The following MAPK10 variants were observed in gnomAD, a reference collection of about 807,000 sequenced individuals.
MAPK10 encodes the protein JNK3 alpha protein kinase.
Under a neutral mutation model 59.3 loss-of-function variants are expected in MAPK10, and 25 were observed. The ratio of observed to expected loss-of-function variants is 0.42; its 90% CI spans 0.31 to 0.59. The LOEUF is 0.59. Ranked by LOEUF, MAPK10 falls within the 20% of genes least tolerant of loss-of-function variation. The pLI is 0.15. For synonymous variants in MAPK10, 190 were observed against 200.5 expected (o/e 0.95, Z 0.44); for missense variants, 351 against 568.9 (o/e 0.62, Z 3.90).
intron 1 of MAPK10, among the ~76,000 whole-genome samples, chr4:86,547,189 C>T (rs928145523): frequency 1.4e-4 from 21 of 152,248 alleles, no homozygotes; most frequent in African/African-American, 4.8e-4. Context: ...TTCCTCTCGG[C>T]GCCTCCCCTG....
intron 1 of MAPK10, among the ~76,000 whole-genome samples, chr4:86,418,177 A>C (rs971730772): frequency 4.6e-5 from 7 of 152,242 alleles, no homozygotes; most frequent in Non-Finnish European, 7.3e-5. Flanking sequence ...ACAGTAGTCA[A>C]TAAACACTTG....
chr4:86,134,860 T>C (rs545438349), intron 4 of MAPK10, among the ~76,000 whole-genome samples: 3 of 152,286 alleles, frequency 2.0e-5, no homozygotes, highest in Non-Finnish European at 2.9e-5. Context: ...GGGCGAGGCA[T>C]TGCCTCACTC....
intron 3 of MAPK10, among the ~76,000 whole-genome samples, chr4:86,168,782 A>G (rs2072914403): frequency 6.6e-6 from 1 of 151,948 alleles, no homozygotes; most frequent in Non-Finnish European, 1.5e-5. Context: ...CTGACCCCTG[A>G]CCCCCGAGCA....
At chr4:86,449,660 T>G (rs553485181) in intron 1 of MAPK10, among the ~76,000 whole-genome samples, 1 of 152,244 alleles carries the variant, frequency 6.6e-6, no homozygotes, top group Non-Finnish European at 1.5e-5. Context: ...ACTAGGAAAC[T>G]GTGACTTGCT....
At chr4:86,272,434 T>C (rs1388619289) in intron 2 of MAPK10, among the ~76,000 whole-genome samples, 3 of 152,054 alleles carry the variant, frequency 2.0e-5, no homozygotes, top group African/African-American at 7.2e-5. Flanking sequence ...TTTCTAAATG[T>C]TTTATGATTT....
At chr4:86,379,063 G>A (rs1740269799) in intron 1 of MAPK10, among the ~76,000 whole-genome samples, 1 of 152,146 alleles carries the variant, frequency 6.6e-6, no homozygotes, top group South Asian at 2.1e-4. Flanking sequence ...AAAAGCACAG[G>A]GCTCCAAGAG....
At chr4:86,070,519 C>G (rs1190840939) in intron 9 of MAPK10, among the ~76,000 whole-genome samples, 2 of 150,688 alleles carry the variant, frequency 1.3e-5, no homozygotes, top group Non-Finnish European at 1.5e-5. Flanking sequence ...TTAGGTATAT[C>G]TCCCAATGCT....
intron 2 of MAPK10, among the ~76,000 whole-genome samples, chr4:86,213,384 A>G (rs2086422174): frequency 6.6e-6 from 1 of 152,072 alleles, no homozygotes; most frequent in Non-Finnish European, 1.5e-5. Context: ...GAGAATAGAA[A>G]AGCAAAAAAG....
At chr4:86,114,001 A>G (rs185187601) in intron 4 of MAPK10, among the ~76,000 whole-genome samples, 8 of 152,166 alleles carry the variant, frequency 5.3e-5, no homozygotes, top group Admixed American at 3.9e-4. Flanking sequence ...TACTTGGTCT[A>G]TTTGGCTATT....
intron 1 of MAPK10, among the ~76,000 whole-genome samples, chr4:86,422,334 G>C (rs148716313): frequency 8.5e-5 from 13 of 152,298 alleles, no homozygotes; most frequent in African/African-American, 3.1e-4. Context: ...TACCTTAAGA[G>C]TACTTGCATT....
At chr4:86,459,928 A>G (rs1234252580) in intron 1 of MAPK10, among the ~76,000 whole-genome samples, 1 of 152,156 alleles carries the variant, frequency 6.6e-6, no homozygotes, top group Non-Finnish European at 1.5e-5. Context: ...AAAAAATTTA[A>G]TTAAAAAATA....
Position 86,215,260 on chromosome 4 carries a change from C to G in MAPK10, c.-6-20853G>C, listed in dbSNP as rs79326568. ...CCTAACAACAAATGCAAAAGTTAAC[C>G]AATAATGGATCAAAGATCTAAATGT... On this transcript the variant is annotated intron_variant, in intron 2 of 13. Transcript: ENST00000641462. Among the ~76,000 whole-genome samples, 10 of 152,112 alleles carry G rather than the reference C, an allele frequency of 6.6e-5. No individual in the cohort carries two copies. In the East Asian group the frequency reaches 1.2e-3, roughly 18 times the overall value.
chr4:86,548,026 G>A (rs111422174), intron 1 of MAPK10, among the ~76,000 whole-genome samples: 2,893 of 152,238 alleles, frequency 0.019, 53 homozygotes, highest in Non-Finnish European at 0.03. Flanking sequence ...ATCCAGCAGT[G>A]GCAACCCGCT....
chr4:86,162,065 A>T (rs1469058935), intron 3 of MAPK10, among the ~76,000 whole-genome samples: 2 of 151,998 alleles, frequency 1.3e-5, no homozygotes, highest in East Asian at 3.9e-4. Flanking sequence ...TGCTGATGAT[A>T]TACATATTAT....
At chr4:86,498,265 A>T (rs1755038956) in intron 1 of MAPK10, among the ~76,000 whole-genome samples, 1 of 152,252 alleles carries the variant, frequency 6.6e-6, no homozygotes, top group Non-Finnish European at 1.5e-5. Context: ...GGCAACCAGA[A>T]AAATGGCTAT....
At position 86,101,072 on chromosome 4, in the gene MAPK10, C is replaced by T. The variant is rs1219541757; in HGVS notation, c.710G>A (p.Gly237Glu). ...RYYRAPEVILGMGYKENVDIW... is the reference protein window; with the variant it reads ...RYYRAPEVILEMGYKENVDIW... ...CCTACCGTTCTCCTTGTAGCCCATCCCCAGGATGACCTCAGGGGCTCTGTA... is the reference window on the plus strand; with the variant it reads ...CCTACCGTTCTCCTTGTAGCCCATCTCCAGGATGACCTCAGGGGCTCTGTA... Residue 237 changes from glycine (G) to glutamate (E), a missense_variant, in exon 8 of 14, where the codon GGG (glycine) becomes GAG (glutamate). Transcript: ENST00000641462. 1 of 1,613,740 alleles carries T rather than the reference C, an allele frequency of 6.2e-7. No individual in the cohort carries two copies.
Position 86,012,422 on chromosome 4 carries a change from G to C in MAPK10, c.*4806C>G, listed in dbSNP as rs920466755. 1.3e-5 allele frequency: 2 copies of C among 152,118 alleles called. No homozygotes were observed. Among genetic ancestry groups the C allele is most frequent in the Non-Finnish European group, 2.9e-5 (2 of 68,014 alleles). The allele number at this position is 152,118 out of a possible 1,614,324, so 9.4% of individuals were successfully genotyped here. A position where few individuals can be genotyped will look rare whatever the true frequency, so the allele number is the denominator to read the frequency against. The stretch of plus-strand genomic sequence containing the variant: ...GTCGTTACATGCAACTCAAGACAAC[G>C]AGCAGCATCATAACCATTGTCAACA... On this transcript the variant is annotated 3_prime_UTR_variant, in exon 14 of 14. Coordinates refer to ENST00000641462, the MANE Select transcript of MAPK10 (RefSeq NM_138982.4).
At chr4:86,023,467 A>G (rs985688993) in intron 13 of MAPK10, among the ~76,000 whole-genome samples, 1 of 152,164 alleles carries the variant, frequency 6.6e-6, no homozygotes, top group African/African-American at 2.4e-5. Context: ...ATTTCTGCAA[A>G]AAAGACAGCT....
chr4:86,262,476 T>C (rs1008527854), intron 2 of MAPK10, among the ~76,000 whole-genome samples: 2 of 152,168 alleles, frequency 1.3e-5, no homozygotes, highest in East Asian at 1.9e-4. Flanking sequence ...GGCAAAGTAA[T>C]GGCAGATAAT....
Sources: allele counts gnomAD v4.1 joint callset (sites outside exome capture counted in the v4.1 genomes callset), GRCh38; gene constraint gnomAD v4.1.1; transcripts MANE v1.5; gene names NCBI Gene and HGNC (gene_info 2026-07-23, HGNC 2026-07-21).